NR3C1: variants seen among roughly 807,000 people sequenced by gnomAD.
NR3C1 encodes glucocorticoid receptor.
NR3C1 carries 14 observed loss-of-function variants against 74.0 expected under a neutral mutation model. That is an observed-to-expected ratio of 0.19 (90% CI 0.12 to 0.30). The LOEUF is 0.30. NR3C1 is among the 10% of genes least tolerant of loss of function. The pLI is 1.00. For synonymous variants in NR3C1, 308 were observed against 332.5 expected, an observed-to-expected ratio of 0.93 and a Z score of 0.80; for missense variants, 695 against 909.8, an observed-to-expected ratio of 0.76 and a Z score of 3.04.
At chr5:143,434,291 A>T (rs2151965835) in intron 1 of NR3C1, among the ~76,000 whole-genome samples, 1 of 152,332 alleles carries the variant, frequency 6.6e-6, no homozygotes, top group South Asian at 2.1e-4. Context: ...ATTGCCTACA[A>T]TAGCACTTGG....
In NR3C1 at chr5:143,281,807, C is replaced by T. The variant is rs960995243; in HGVS notation, c.*82G>A. On this transcript the variant is annotated 3_prime_UTR_variant, in exon 9 of 9. Coordinates refer to ENST00000394464, the MANE Select transcript of NR3C1 (RefSeq NM_000176.3). ...AACAATAAAAAATAAAACAACAAAA[C>T]CTCTACAGGACAAACTGATAGTTTA... is the stretch of plus-strand genomic sequence containing the variant. 7 of 1,402,366 alleles carry T rather than the reference C, an allele frequency of 5.0e-6. No homozygotes were observed. In the African/African-American group the frequency reaches 7.2e-5, roughly 14 times the overall value. 86.9% of individuals were successfully genotyped at this position (1,402,366 alleles called of 1,614,324 possible).
rs553299146 is a variant in NR3C1, at chr5:143,387,679, G to T, written c.1184+11977C>A. On this transcript the variant is annotated intron_variant, in intron 2 of 8. Transcript: ENST00000394464. ...TTAACTTGCATTTTCTCTTTTCTGC[G>T]ACTGTCATTGCCATATTAGGTTGAA... 2.6e-5 allele frequency among the ~76,000 whole-genome samples: 4 copies of T among 152,038 alleles called. No individual in the cohort carries two copies. The South Asian group carries it at 8.3e-4, about 32-fold the overall frequency.
At chr5:143,318,499 C>CAT (rs1337820402) in intron 2 of NR3C1, among the ~76,000 whole-genome samples, 1 of 152,120 alleles carries the variant, frequency 6.6e-6, no homozygotes, top group African/African-American at 2.4e-5. Context: ...CAAATGTTGA[C>CAT]ATAGTTCATT....
chr5:143,408,678 G>T (rs536208335), upstream of NR3C1, among the ~76,000 whole-genome samples: 2 of 151,826 alleles, frequency 1.3e-5, no homozygotes, highest in Non-Finnish European at 2.9e-5. Flanking sequence ...AATAATTTGG[G>T]GCATGAAGCA....
At chr5:143,385,061 C>T (rs1836940500) in intron 2 of NR3C1, among the ~76,000 whole-genome samples, 1 of 152,230 alleles carries the variant, frequency 6.6e-6, no homozygotes, top group Admixed American at 6.5e-5. Flanking sequence ...GGCCCAACAC[C>T]ACATGAAGGC....
Position 143,328,416 on chromosome 5 carries a change from T to C in NR3C1, c.1185-14248A>G, listed in dbSNP as rs141463946. On this transcript the variant is annotated intron_variant, in intron 2 of 8. Transcript: ENST00000394464. ...CTCCATTGTCTTGGTTATTAACATT[T>C]GGCTCCTTGTTACTTATTACTTATT... 5.5e-3 allele frequency among the ~76,000 whole-genome samples: 831 copies of C among 152,356 alleles called. 5 individuals carry two copies. Among genetic ancestry groups the C allele is most frequent in the East Asian group, 0.022 (115 of 5,188 alleles).
chr5:143,397,019 T>A (rs1720235872), intron 2 of NR3C1, among the ~76,000 whole-genome samples: 1 of 152,016 alleles, frequency 6.6e-6, no homozygotes. Context: ...ATTTTGAGAA[T>A]AAGGTTTCTC....
At chr5:143,381,059 C>CA (rs1303233265) in intron 2 of NR3C1, among the ~76,000 whole-genome samples, 2 of 151,724 alleles carry the variant, frequency 1.3e-5, no homozygotes, top group Non-Finnish European at 2.9e-5. Flanking sequence ...AAGACTCCAC[C>CA]AAAAAAATAT....
intron 4 of NR3C1, among the ~76,000 whole-genome samples, chr5:143,309,678 G>T (rs140909045): frequency 6.6e-6 from 1 of 151,570 alleles, no homozygotes; most frequent in Non-Finnish European, 1.5e-5. Flanking sequence ...ATAAAACACA[G>T]ATCTCCAAGT....
Position 143,348,900 on chromosome 5 carries a change from T to C in NR3C1, c.1185-34732A>G, listed in dbSNP as rs549590281. The stretch of plus-strand genomic sequence containing the variant: ...TACTGTATTTGTAAATATTTTTCCC[T>C]ACAAATGCTCCTTGTATTATTGACA... On this transcript the variant is annotated intron_variant, in intron 2 of 8. Transcript: ENST00000394464. 1.7e-4 allele frequency among the ~76,000 whole-genome samples: 26 copies of C among 152,354 alleles called. No homozygotes were observed. The South Asian group carries it at 5.0e-3, about 29-fold the overall frequency.
intron 2 of NR3C1, among the ~76,000 whole-genome samples, chr5:143,357,827 T>C (rs1395304634): frequency 6.6e-6 from 1 of 152,214 alleles, no homozygotes; most frequent in Non-Finnish European, 1.5e-5. Context: ...TTACTAGAAG[T>C]TCATAGGCCA....
At chr5:143,366,487 G>A (rs924938730) in intron 2 of NR3C1, among the ~76,000 whole-genome samples, 14 of 150,532 alleles carry the variant, frequency 9.3e-5, no homozygotes, top group African/African-American at 3.2e-4. Context: ...TCTAGACTGG[G>A]TGACAAGATG....
At chr5:143,427,880 G>C (rs551938157) in intron 1 of NR3C1, among the ~76,000 whole-genome samples, 1 of 152,136 alleles carries the variant, frequency 6.6e-6, no homozygotes, top group Non-Finnish European at 1.5e-5. Context: ...AATTCCTACC[G>C]ATAGACTTGT....
chr5:143,344,156 T>G lies in NR3C1; in HGVS notation c.1185-29988A>C, dbSNP rs146802518. Among the ~76,000 whole-genome samples, 157 of 152,320 alleles carry G rather than the reference T, an allele frequency of 1.0e-3. 4 individuals are homozygous for G. In the East Asian group the frequency reaches 0.023, roughly 22 times the overall value. ...ACATTATATTTTGCTATGGCTCATT[T>G]GGAAAATCTAAGCTTTAAAAAGACT... On this transcript the variant is annotated intron_variant, in intron 2 of 8. Coordinates refer to ENST00000394464, the MANE Select transcript of NR3C1 (RefSeq NM_000176.3).
intron 3 of NR3C1, among the ~76,000 whole-genome samples, chr5:143,311,745 G>A (rs1029923787): frequency 1.3e-5 from 2 of 150,024 alleles, no homozygotes; most frequent in African/African-American, 2.5e-5. Context: ...TCCTGCTTTA[G>A]CTTCCTGAGT....
At chr5:143,293,900 T>TATCCA (rs1381834508) in intron 7 of NR3C1, 1 of 982,340 alleles carries the variant, frequency 1.0e-6, no homozygotes, top group South Asian at 4.7e-5. Flanking sequence ...AAGTTGTTAG[T>TATCCA]ATCCAGGCAC....
chr5:143,430,028 G>A (rs1257683848), intron 1 of NR3C1, among the ~76,000 whole-genome samples: 2 of 151,114 alleles, frequency 1.3e-5, no homozygotes, highest in Non-Finnish European at 2.9e-5. Flanking sequence ...GTTGCAGTAA[G>A]CCAAGATTGC....
At chr5:143,400,920 C>A in intron 1 of NR3C1, 68 bp from the exon 2 acceptor site, 1 of 1,211,764 alleles carries the variant, frequency 8.3e-7, no homozygotes, top group Non-Finnish European at 1.2e-6. Flanking sequence ...TCTTCCTGAT[C>A]CGATTAGTAA....
intron 2 of NR3C1, among the ~76,000 whole-genome samples, chr5:143,387,524 A>G (rs61752260): frequency 6.6e-6 from 1 of 152,134 alleles, no homozygotes; most frequent in African/African-American, 2.4e-5. Context: ...CTATTCATTT[A>G]TTTTGTGGCT....
Sources: allele counts gnomAD v4.1 joint callset (sites outside exome capture counted in the v4.1 genomes callset), GRCh38; gene constraint gnomAD v4.1.1; transcripts MANE v1.5; gene names NCBI Gene and HGNC (gene_info 2026-07-23, HGNC 2026-07-21).